The following ALK variants were observed in gnomAD, a reference collection of about 807,000 sequenced individuals.
The protein encoded by ALK is ALK receptor tyrosine kinase.
Under a neutral mutation model 163.1 loss-of-function variants are expected in ALK, and 74 were observed. The observed-to-expected ratio is 0.45, with a 90% CI of 0.38 to 0.55. The LOEUF is 0.55. Among genes scored for constraint, ALK ranks in the 20% least tolerant of loss-of-function variants. The probability of loss-of-function intolerance (pLI) is 0.00; values close to 1 mark genes in which losing one functional copy is unlikely to be tolerated. For missense variants in ALK, 2,063 were observed against 2,105.3 expected, an observed-to-expected ratio of 0.98 and a Z score of 0.39; for synonymous variants, 960 against 843.2, an observed-to-expected ratio of 1.14 and a Z score of -2.40.
intron 28 of ALK, 31 bp downstream of exon 28, chr2:29,196,739 A>T: frequency 6.6e-7 from 1 of 1,514,324 alleles, no homozygotes; most frequent in Non-Finnish European, 9.2e-7. Context: ...CATATAGAGT[A>T]AATGTTGACC....
intron 1 of ALK, among the ~76,000 whole-genome samples, chr2:29,847,791 G>A (rs139394009): frequency 1.3e-5 from 2 of 151,046 alleles, no homozygotes; most frequent in East Asian, 4.0e-4. Context: ...AGGGGAAGGG[G>A]TAAAAAAAGA....
chr2:29,613,041 C>T (rs1475436154), intron 3 of ALK, among the ~76,000 whole-genome samples: 1 of 152,190 alleles, frequency 6.6e-6, no homozygotes, highest in African/African-American at 2.4e-5. Context: ...CAATATCAAA[C>T]ATGAGTTTTG....
chr2:29,684,717 T>G (rs968605409), intron 3 of ALK, among the ~76,000 whole-genome samples: 1 of 152,210 alleles, frequency 6.6e-6, no homozygotes, highest in Non-Finnish European at 1.5e-5. Flanking sequence ...AACTTCTGAA[T>G]GTACTGCCAG....
chr2:29,382,080 G>C (rs916986101), intron 5 of ALK, among the ~76,000 whole-genome samples: 11 of 152,202 alleles, frequency 7.2e-5, no homozygotes, highest in Admixed American at 5.2e-4. Context: ...CTTGGAGCTA[G>C]AGCCACTGAA....
chr2:29,819,200 G>A (rs918973328), intron 1 of ALK, among the ~76,000 whole-genome samples: 15 of 152,156 alleles, frequency 9.9e-5, no homozygotes, highest in African/African-American at 2.9e-4. Flanking sequence ...CCCAGACTCC[G>A]GGAGATTCAT....
intron 4 of ALK, among the ~76,000 whole-genome samples, chr2:29,517,446 C>T (rs1021767343): frequency 3.9e-5 from 6 of 152,182 alleles, no homozygotes; most frequent in Admixed American, 6.5e-5. Flanking sequence ...CTTTCATCCA[C>T]ATTAAATCAT....
chr2:29,711,825 T>A (rs1197029664), intron 2 of ALK, among the ~76,000 whole-genome samples: 1 of 152,328 alleles, frequency 6.6e-6, no homozygotes, highest in Admixed American at 6.5e-5. Flanking sequence ...CTCTGTCCCC[T>A]TCCCCTCATC....
At chr2:29,782,764 C>A (rs2148351544) in intron 1 of ALK, among the ~76,000 whole-genome samples, 1 of 152,300 alleles carries the variant, frequency 6.6e-6, no homozygotes, top group African/African-American at 2.4e-5. Flanking sequence ...GCTTCAAATG[C>A]CATTATCATT....
In ALK at chr2:29,920,228, C is replaced by T. The variant is rs968483486; in HGVS notation, c.432G>A (p.Glu144=). 2 of 1,611,998 alleles carry T rather than the reference C, an allele frequency of 1.2e-6. No homozygotes were observed. Among genetic ancestry groups the T allele is most frequent in the African/African-American group, 1.3e-5 (1 of 74,938 alleles). The change falls in exon 1 of 29, where the codon GAG becomes GAA. Residue 144 remains glutamate (E), a synonymous_variant. Transcript: ENST00000389048. Reference sequence around the variant, plus strand: ...CCTCCAAGATCGCCTCCTCGCCCAGCTCCAGCACCAACTGCTTGGCACGCC... The same window carrying T: ...CCTCCAAGATCGCCTCCTCGCCCAGTTCCAGCACCAACTGCTTGGCACGCC... The part of the protein sequence containing the change: ...KLRRAKQLVL[E]LGEEAILEGC...
intron 3 of ALK, among the ~76,000 whole-genome samples, chr2:29,540,336 T>C (rs1285377332): frequency 1.3e-5 from 2 of 152,124 alleles, no homozygotes; most frequent in African/African-American, 2.4e-5. Flanking sequence ...CAGATATAGA[T>C]AAGTGGCACA....
chr2:29,245,363 C>T (rs1160771896), intron 12 of ALK, among the ~76,000 whole-genome samples: 11 of 112,964 alleles, frequency 9.7e-5, no homozygotes, highest in South Asian at 6.4e-4. Context: ...GTAGGGGCTC[C>T]ATGGCTCAGT....
rs543937516 is a variant in ALK at position 29,398,173 on chromosome 2, G to C, written c.1155-14314C>G. Among the ~76,000 whole-genome samples the C allele has an allele frequency of 3.9e-4, 60 of 152,264 alleles. 2 individuals carry two copies. Among genetic ancestry groups the C allele is most frequent in the Admixed American group, 3.6e-3 (55 of 15,298 alleles). ...GGGCTAGAGGGGGCAGGAATCCCTGGGCACAGGCCAGCGTTTCCTCCCATC... is the reference window on the plus strand; with the variant it reads ...GGGCTAGAGGGGGCAGGAATCCCTGCGCACAGGCCAGCGTTTCCTCCCATC... On this transcript the variant is annotated intron_variant, in intron 4 of 28. Coordinates refer to ENST00000389048, the MANE Select transcript of ALK (RefSeq NM_004304.5).
chr2:29,415,155 G>A (rs958698306), intron 4 of ALK, among the ~76,000 whole-genome samples: 4 of 149,102 alleles, frequency 2.7e-5, no homozygotes, highest in African/African-American at 9.9e-5. Flanking sequence ...GCCATGGTCT[G>A]AAATCTTACA....
At chr2:29,399,163 A>T (rs1049788151) in intron 4 of ALK, among the ~76,000 whole-genome samples, 1 of 152,198 alleles carries the variant, frequency 6.6e-6, no homozygotes, top group African/African-American at 2.4e-5. Context: ...CTTCACAGTT[A>T]TCTCATTTAA....
chr2:29,411,697 C>A (rs1018528030), intron 4 of ALK, among the ~76,000 whole-genome samples: 5 of 152,202 alleles, frequency 3.3e-5, no homozygotes, highest in Non-Finnish European at 7.3e-5. Flanking sequence ...GTTTCCTTTT[C>A]TCTTGCCTCT....
At chr2:29,505,538 C>T (rs12620181) in intron 4 of ALK, among the ~76,000 whole-genome samples, 151,651 of 152,158 alleles carry the variant, frequency 1, 75,575 homozygotes, top group Non-Finnish European at 1. Context: ...GGGAGTTCTA[C>T]GTTAGGCCAG....
intron 3 of ALK, among the ~76,000 whole-genome samples, chr2:29,634,421 T>C (rs1558418311): frequency 1.3e-5 from 2 of 152,140 alleles, no homozygotes; most frequent in African/African-American, 4.8e-5. Context: ...AAAAGAATTA[T>C]ATACCATGAT....
intron 1 of ALK, among the ~76,000 whole-genome samples, chr2:29,899,395 C>T (rs547644816): frequency 2.0e-5 from 3 of 152,208 alleles, no homozygotes; most frequent in Non-Finnish European, 4.4e-5. Flanking sequence ...TGCAGCCACC[C>T]ATCACCCTGG....
At chr2:29,204,848 C>G (rs1390476288) in intron 26 of ALK, among the ~76,000 whole-genome samples, 1 of 152,226 alleles carries the variant, frequency 6.6e-6, no homozygotes, top group African/African-American at 2.4e-5. Context: ...CTTGGCCTCC[C>G]AAAGAGCTGG....
Sources: allele counts gnomAD v4.1 joint callset (sites outside exome capture counted in the v4.1 genomes callset), GRCh38; gene constraint gnomAD v4.1.1; transcripts MANE v1.5; gene names NCBI Gene and HGNC (gene_info 2026-07-23, HGNC 2026-07-21).